PLA2G4A: variants seen among roughly 807,000 people sequenced by gnomAD.
PLA2G4A encodes phospholipase A2 group IVA.
A neutral mutation model predicts 81.9 loss-of-function variants in PLA2G4A; 40 were observed. That is an observed-to-expected ratio of 0.49 (90% CI 0.38 to 0.64). The LOEUF (loss-of-function observed/expected upper bound fraction) is 0.64, where lower values mean the gene tolerates loss of function less well. PLA2G4A is among the 30% of genes least tolerant of loss of function. The pLI is 0.00. For synonymous variants in PLA2G4A, 302 were observed against 296.9 expected, an observed-to-expected ratio of 1.02 and a Z score of -0.18; for missense variants, 715 against 905.1, an observed-to-expected ratio of 0.79 and a Z score of 2.69.
intron 12 of PLA2G4A, 33 bp downstream of exon 12, chr1:186,946,994 T>A (rs1656369967): frequency 8.9e-7 from 1 of 1,123,424 alleles, no homozygotes; most frequent in African/African-American, 1.5e-5. Context: ...TTGATACAAA[T>A]CTTGCTACAT....
chr1:186,978,462 G>A (rs766944948), intron 16 of PLA2G4A, among the ~76,000 whole-genome samples: 2 of 152,134 alleles, frequency 1.3e-5, no homozygotes, highest in Non-Finnish European at 2.9e-5. Context: ...GATGAGTAAT[G>A]GGAATATGCT....
intron 1 of PLA2G4A, among the ~76,000 whole-genome samples, chr1:186,833,054 C>T (rs1229743096): frequency 6.6e-6 from 1 of 152,084 alleles, no homozygotes; most frequent in African/African-American, 2.4e-5. Flanking sequence ...CAGAGACATC[C>T]TGGCCTGAAT....
At chr1:186,912,350 T>C (rs1194988580) in intron 7 of PLA2G4A, among the ~76,000 whole-genome samples, 1 of 152,168 alleles carries the variant, frequency 6.6e-6, no homozygotes, top group Non-Finnish European at 1.5e-5. Context: ...AGGCTCACTG[T>C]TGGTGGTCTA....
At chr1:186,832,112 C>T (rs1432931684) in intron 1 of PLA2G4A, among the ~76,000 whole-genome samples, 1 of 151,852 alleles carries the variant, frequency 6.6e-6, no homozygotes, top group Non-Finnish European at 1.5e-5. Context: ...GCTGTACTGG[C>T]CAATTATATC....
chr1:186,872,213 ATTC>A (rs1024979857), intron 3 of PLA2G4A, among the ~76,000 whole-genome samples: 17 of 152,102 alleles, frequency 1.1e-4, no homozygotes, highest in African/African-American at 4.1e-4. Flanking sequence ...TTCTGAAGTT[ATTC>A]TTATTTTGCT....
Position 186,932,825 on chromosome 1 carries a change from T to C in PLA2G4A, c.621T>C (p.Gly207=). ...TCCGAGCCATGGTGGGATTCTCTGGTGTGATGAAGGCATTATACGAATCAG... is the reference window on the plus strand; with the variant it reads ...TCCGAGCCATGGTGGGATTCTCTGGCGTGATGAAGGCATTATACGAATCAG... ...GGFRAMVGFS[G]VMKALYESGI... Residue 207 remains glycine, a synonymous_variant, in exon 8 of 18, where the codon GGT becomes GGC. Transcript: ENST00000367466. The C allele has an allele frequency of 6.2e-7, 1 of 1,613,204 alleles. No individual in the cohort carries two copies. Among genetic ancestry groups the C allele is most frequent in the East Asian group, 2.2e-5 (1 of 44,862 alleles).
chr1:186,966,955 G>A (rs1193789090), intron 15 of PLA2G4A, among the ~76,000 whole-genome samples: 1 of 152,148 alleles, frequency 6.6e-6, no homozygotes, highest in African/African-American at 2.4e-5. Flanking sequence ...CAAAATATGA[G>A]TATGTAGGAT....
At chr1:186,943,030 C>T (rs1227587510) in intron 10 of PLA2G4A, among the ~76,000 whole-genome samples, 1 of 152,086 alleles carries the variant, frequency 6.6e-6, no homozygotes, top group East Asian at 1.9e-4. Flanking sequence ...AATAGAGACA[C>T]GTCTGTAATT....
intron 17 of PLA2G4A, among the ~76,000 whole-genome samples, chr1:186,982,168 G>A (rs557598225): frequency 3.0e-4 from 45 of 152,170 alleles, no homozygotes; most frequent in Non-Finnish European, 5.3e-4. Context: ...GACGCTAAAA[G>A]CATTAGCCAT....
intron 2 of PLA2G4A, among the ~76,000 whole-genome samples, chr1:186,855,022 A>G (rs1652500707): frequency 6.6e-6 from 1 of 152,024 alleles, no homozygotes. Context: ...GGAGTAATCC[A>G]TAGCCTCATT....
intron 5 of PLA2G4A, among the ~76,000 whole-genome samples, chr1:186,905,401 G>GA (rs5779309): frequency 0.56 from 84,597 of 149,980 alleles, 25,333 homozygotes; most frequent in African/African-American, 0.77. Context: ...TGTATTTCTT[G>GA]AAAAAAAAAG....
At chr1:186,844,057 T>C (rs1289924106) in intron 1 of PLA2G4A, among the ~76,000 whole-genome samples, 1 of 152,220 alleles carries the variant, frequency 6.6e-6, no homozygotes, top group African/African-American at 2.4e-5. Context: ...CTGTTACTAC[T>C]GTGGGACTTA....
chr1:186,968,393 GGTGTGTAT>G (rs1557896667), intron 15 of PLA2G4A, among the ~76,000 whole-genome samples: 1 of 31,552 alleles, frequency 3.2e-5, no homozygotes, highest in South Asian at 6.5e-4. Flanking sequence ...CTCTTTTCGC[GGTGTGTAT>G]GTGTGTGTGT....
At chr1:186,934,443 C>CATATATATATATATATATATAT (rs71571011) in intron 8 of PLA2G4A, among the ~76,000 whole-genome samples, 2,403 of 98,772 alleles carry the variant, frequency 0.024, 76 homozygotes, top group Admixed American at 0.031. Context: ...TAAATGTGCA[C>CATATATATATATATATATATAT]ATATATATAT....
At chr1:186,960,297 G>A (rs1656900418) in intron 14 of PLA2G4A, among the ~76,000 whole-genome samples, 1 of 152,126 alleles carries the variant, frequency 6.6e-6, no homozygotes, top group East Asian at 1.9e-4. Flanking sequence ...TCAAAACACA[G>A]ACATCCAAAT....
intron 6 of PLA2G4A, among the ~76,000 whole-genome samples, chr1:186,909,410 C>T (rs995966506): frequency 6.6e-6 from 1 of 151,522 alleles, no homozygotes; most frequent in African/African-American, 2.4e-5. Flanking sequence ...CCTGTAATCC[C>T]AGCACTTTGG....
chr1:186,971,665 T>C (rs1222648188), intron 15 of PLA2G4A, among the ~76,000 whole-genome samples: 1 of 152,068 alleles, frequency 6.6e-6, no homozygotes, highest in Non-Finnish European at 1.5e-5. Flanking sequence ...ATAAGTGTTG[T>C]TATCAAAATA....
chr1:186,852,656 C>T (rs954458013), intron 1 of PLA2G4A, among the ~76,000 whole-genome samples: 1 of 151,924 alleles, frequency 6.6e-6, no homozygotes, highest in Non-Finnish European at 1.5e-5. Flanking sequence ...CCATGAGCCC[C>T]TTTAAAAAGG....
In PLA2G4A at chr1:186,944,551, T is replaced by C. The variant is rs75211177; in HGVS notation, c.1034-2086T>C. Among the ~76,000 whole-genome samples the C allele has an allele frequency of 7.8e-3, 1,191 of 152,298 alleles. 19 individuals are homozygous for C. Among genetic ancestry groups the C allele is most frequent in the African/African-American group, 0.027 (1,126 of 41,562 alleles). Reference sequence around the variant, plus strand: ...TGTCTCACAAATTCCACGTAAATCGTTGTAAATCACACCACTTTCTGATGA... The same window carrying C: ...TGTCTCACAAATTCCACGTAAATCGCTGTAAATCACACCACTTTCTGATGA... On this transcript the variant is annotated intron_variant, in intron 10 of 17. Coordinates refer to ENST00000367466, the MANE Select transcript of PLA2G4A (RefSeq NM_024420.3).
Sources: gnomAD v4.1 joint callset for allele counts (sites outside exome capture counted in the v4.1 genomes callset) on GRCh38, gnomAD v4.1.1 for gene constraint, MANE v1.5 for transcripts, NCBI Gene and HGNC (gene_info 2026-07-23, HGNC 2026-07-21) for gene names.